Variants in COL4A5 observed in about 807,000 individuals in gnomAD.
COL4A5 encodes collagen type IV alpha 5 chain, also known as collagen alpha-5(IV) chain.
A neutral mutation model predicts 130.2 loss-of-function variants in COL4A5; 26 were observed. The observed-to-expected ratio is 0.20, with a 90% CI of 0.15 to 0.28. The LOEUF (loss-of-function observed/expected upper bound fraction) is 0.28, where lower values mean the gene tolerates loss of function less well. Among genes scored for constraint, COL4A5 ranks in the 10% least tolerant of loss-of-function variants. COL4A5 has a pLI of 1.00. For missense variants in COL4A5, 1,131 were observed against 1,344.3 expected (o/e 0.84, Z 2.48); for synonymous variants, 496 against 439.6 (o/e 1.13, Z -1.60).
chrX:108,502,381 G>T lies in COL4A5; in HGVS notation c.82-37365G>T, dbSNP rs770788259. The stretch of plus-strand genomic sequence containing the variant: ...GCTCACTGCAACCTCTGCCTCCCGG[G>T]TTCAAGTGATTCTCCTGCCTCAGCC... On this transcript the variant is annotated intron_variant, in intron 1 of 52. Transcript: ENST00000328300. 5.4e-5 allele frequency among the ~76,000 whole-genome samples: 6 copies of T among 111,233 alleles called. No individual in the cohort carries two copies. In the South Asian group the frequency reaches 1.2e-3, roughly 22 times the overall value.
At chrX:108,452,647 A>T (rs1479307912) in intron 1 of COL4A5, among the ~76,000 whole-genome samples, 3 of 111,741 alleles carry the variant, frequency 2.7e-5, no homozygotes. Context: ...GGTGCATAAG[A>T]ATGCTTATGA....
intron 2 of COL4A5, among the ~76,000 whole-genome samples, chrX:108,550,366 T>A (rs530337954): frequency 8.9e-6 from 1 of 112,028 alleles, no homozygotes; most frequent in Non-Finnish European, 1.9e-5. Context: ...CCATGTTTGG[T>A]TTAACATTTG....
At chrX:108,590,615 C>T (rs2066416102) in intron 19 of COL4A5, among the ~76,000 whole-genome samples, 1 of 111,193 alleles carries the variant, frequency 9.0e-6, no homozygotes. Flanking sequence ...CAAAGATGAG[C>T]GTATTTTCCT....
At chrX:108,616,499 G>C (rs2066930274) in intron 30 of COL4A5, among the ~76,000 whole-genome samples, 1 of 111,228 alleles carries the variant, frequency 9.0e-6, no homozygotes, top group South Asian at 3.8e-4. Flanking sequence ...GCCTCCCAGA[G>C]TGCTGGGATT....
At chrX:108,626,074 T>C in intron 35 of COL4A5, 136 bp from the exon 36 acceptor site, 3 of 577,249 alleles carry the variant, frequency 5.2e-6, no homozygotes, top group East Asian at 7.2e-5. Flanking sequence ...TATAATTGTG[T>C]TTGTGAGGCT....
At position 108,695,107 on chromosome X, in the gene COL4A5, C is replaced by CT. The variant is rs767171748; in HGVS notation, c.4822-152dup. ...ACATATTTTCATAATCTGCCTATTA[C>CT]TTTTTTTTGACTACCCTTGGTGTGG... is the stretch of plus-strand genomic sequence containing the variant. On this transcript the variant is annotated intron_variant, in intron 51 of 52. Coordinates refer to ENST00000328300, the MANE Select transcript of COL4A5 (RefSeq NM_033380.3). 17 of 722,714 alleles carry CT rather than the reference C, an allele frequency of 2.4e-5. No individual in the cohort carries two copies. The highest frequency in any genetic ancestry group is 3.2e-5 in the Non-Finnish European group (15 of 470,353). 59.6% of individuals were successfully genotyped at this position (722,714 alleles called of 1,213,427 possible).
chrX:108,559,564 C>T (rs1386321249), intron 3 of COL4A5, among the ~76,000 whole-genome samples: 1 of 111,476 alleles, frequency 9.0e-6, no homozygotes, highest in African/African-American at 3.3e-5. Context: ...CTGACTCCCC[C>T]ACTGTTCTAT....
At chrX:108,674,033 C>A (rs2068257388) in intron 42 of COL4A5, among the ~76,000 whole-genome samples, 1 of 108,756 alleles carries the variant, frequency 9.2e-6, no homozygotes, top group African/African-American at 3.3e-5. Context: ...CAGAGTGAGA[C>A]TCTGTCCAAA....
chrX:108,471,751 C>T (rs180818997), intron 1 of COL4A5, among the ~76,000 whole-genome samples: 1 of 111,386 alleles, frequency 9.0e-6, no homozygotes, highest in African/African-American at 3.3e-5. Flanking sequence ...TTTGCCCTTG[C>T]GGTATGAACT....
At chrX:108,481,402 T>G (rs1200437676) in intron 1 of COL4A5, among the ~76,000 whole-genome samples, 12 of 111,845 alleles carry the variant, frequency 1.1e-4, no homozygotes, top group Non-Finnish European at 2.1e-4. Context: ...CAAGGGGTTC[T>G]GAGTCTGTAA....
intron 24 of COL4A5, among the ~76,000 whole-genome samples, 157 bp downstream of exon 24, chrX:108,597,725 C>T (rs1041145259): frequency 8.9e-6 from 1 of 111,905 alleles, no homozygotes; most frequent in African/African-American, 3.2e-5. Flanking sequence ...TTACTGACTA[C>T]GTAGGGTTTC....
At chrX:108,498,185 T>A (rs1252022895) in intron 1 of COL4A5, among the ~76,000 whole-genome samples, 1 of 111,840 alleles carries the variant, frequency 8.9e-6, no homozygotes, top group East Asian at 2.8e-4. Context: ...ATGGTGTGAA[T>A]TAGAGGTTGA....
chrX:108,512,700 C>A (rs774870695), intron 1 of COL4A5, among the ~76,000 whole-genome samples: 31 of 110,717 alleles, frequency 2.8e-4, no homozygotes, highest in South Asian at 7.8e-4. Context: ...TCACGTACTT[C>A]ACAAGGTAAT....
chrX:108,563,778 T>C, intron 3 of COL4A5, 104 bp from the exon 4 acceptor site: 1 of 655,788 alleles, frequency 1.5e-6, no homozygotes, highest in Non-Finnish European at 2.4e-6. Context: ...TCACTAACTT[T>C]CACAGATGTT....
chrX:108,541,492 T>G (rs184002388), intron 2 of COL4A5, among the ~76,000 whole-genome samples: 1 of 112,226 alleles, frequency 8.9e-6, no homozygotes, highest in African/African-American at 3.2e-5. Flanking sequence ...AGTACAGCCC[T>G]TAGTCTGCAT....
chrX:108,655,500 T>G (rs1452174354), intron 37 of COL4A5, 43 bp downstream of exon 37: 2 of 1,197,290 alleles, frequency 1.7e-6, no homozygotes, highest in Non-Finnish European at 2.3e-6. Context: ...TCCTTCCTTA[T>G]CTACTCCAAC....
Position 108,696,360 on chromosome X carries a change from G to A in COL4A5, c.5058G>A (p.Val1686=). Residue 1686 remains valine (V), a synonymous_variant, in exon 53 of 53, where the codon GTG becomes GTA. Transcript: ENST00000328300. ...DLRTRISRCQ[V]CMKRT Reference sequence around the variant, plus strand: ...GGACACGAATTAGCCGATGTCAAGTGTGCATGAAGAGGACATAACATTTTG... The same window carrying A: ...GGACACGAATTAGCCGATGTCAAGTATGCATGAAGAGGACATAACATTTTG... 1.7e-6 allele frequency: 2 copies of A among 1,206,189 alleles called. No individual in the cohort carries two copies. Among genetic ancestry groups the A allele is most frequent in the Non-Finnish European group, 2.2e-6 (2 of 890,548 alleles).
At chrX:108,670,126 A>T in intron 41 of COL4A5, 102 bp from the exon 42 acceptor site, 1 of 855,049 alleles carries the variant, frequency 1.2e-6, no homozygotes, top group Non-Finnish European at 1.7e-6. Context: ...GAAAGTATTT[A>T]GTGTAATGCT....
chrX:108,476,208 CAT>C (rs1461092308), intron 1 of COL4A5, among the ~76,000 whole-genome samples: 1 of 111,437 alleles, frequency 9.0e-6, no homozygotes, highest in East Asian at 2.8e-4. Context: ...CCTTTATACT[CAT>C]GTATTCTATG....
Sources: gnomAD v4.1 joint callset for allele counts (sites outside exome capture counted in the v4.1 genomes callset) on GRCh38, gnomAD v4.1.1 for gene constraint, MANE v1.5 for transcripts, NCBI Gene and HGNC (gene_info 2026-07-23, HGNC 2026-07-21) for gene names.